Variants in C2orf80 observed in about 807,000 individuals in gnomAD.
The protein encoded by C2orf80 is chromosome 2 open reading frame 80.
C2orf80 carries 28 observed loss-of-function variants against 30.2 expected under a neutral mutation model. The ratio of observed to expected loss-of-function variants is 0.93; its 90% CI spans 0.69 to 1.27. The LOEUF (loss-of-function observed/expected upper bound fraction) is 1.27, where lower values mean the gene tolerates loss of function less well. Ranked by LOEUF, C2orf80 falls within the 50% of genes most tolerant of loss-of-function variation. C2orf80 has a pLI of 0.00. For synonymous variants in C2orf80, 80 were observed against 76.4 expected, an observed-to-expected ratio of 1.05 and a Z score of -0.24; for missense variants, 220 against 231.0, an observed-to-expected ratio of 0.95 and a Z score of 0.31.
intron 7 of C2orf80, among the ~76,000 whole-genome samples, chr2:208,171,733 G>GACACTCCAT (rs149518601): frequency 4.0e-5 from 6 of 151,646 alleles, no homozygotes; most frequent in Non-Finnish European, 7.4e-5. Flanking sequence ...ACCAGTGTGA[G>GACACTCCAT]CCAGCCCACT....
chr2:208,173,098 A>G lies in C2orf80; in HGVS notation c.367-1023T>C, dbSNP rs563628742. On this transcript the variant is annotated intron_variant, in intron 6 of 8. Transcript: ENST00000341287. Reference sequence around the variant, plus strand: ...TGCGTCACTGCACTCCAGCCTGGGCAACAAGAGTTAAAACCTCATCTCAAA... The same window carrying G: ...TGCGTCACTGCACTCCAGCCTGGGCGACAAGAGTTAAAACCTCATCTCAAA... 9.1e-5 allele frequency among the ~76,000 whole-genome samples: 11 copies of G among 120,622 alleles called. 1 individual carries two copies. In the South Asian group the frequency reaches 3.1e-3, roughly 34 times the overall value. 79.1% of individuals were successfully genotyped at this position (120,622 alleles called of 152,430 possible). A position where few individuals can be genotyped will look rare whatever the true frequency, so the allele number is the denominator to read the frequency against.
intron 6 of C2orf80, among the ~76,000 whole-genome samples, chr2:208,179,919 T>C (rs566516758): frequency 3.3e-5 from 5 of 152,036 alleles, no homozygotes; most frequent in African/African-American, 1.2e-4. Context: ...GAGGCCAGGA[T>C]TTCGAGGATT....
At position 208,189,948 on chromosome 2, in the gene C2orf80, C is replaced by T. The variant is rs545601261; in HGVS notation, c.-76+5G>A. On this transcript the variant is annotated splice_donor_5th_base_variant and intron_variant, in intron 1 of 8. Transcript: ENST00000341287. ...TTAACAAATTCCCCTTTGAGAATCGCTCACCAACCGGAGACCGGTTCCAGT... is the reference window on the plus strand; with the variant it reads ...TTAACAAATTCCCCTTTGAGAATCGTTCACCAACCGGAGACCGGTTCCAGT... The T allele has an allele frequency of 2.8e-6, 2 of 703,002 alleles. No homozygotes were observed. Among genetic ancestry groups the T allele is most frequent in the Admixed American group, 4.0e-5 (2 of 50,014 alleles). 43.5% of individuals were successfully genotyped at this position (703,002 alleles called of 1,614,324 possible).
chr2:208,169,011 C>T (rs889692998), intron 8 of C2orf80, among the ~76,000 whole-genome samples: 2 of 151,138 alleles, frequency 1.3e-5, no homozygotes, highest in Non-Finnish European at 2.9e-5. Flanking sequence ...CTGCTGCCTG[C>T]GAAGTACTTT....
rs1652045070 is a variant in C2orf80, at chr2:208,180,753, T to C, written c.358A>G (p.Thr120Ala). 1 of 1,613,478 alleles carries C rather than the reference T, an allele frequency of 6.2e-7. No homozygotes were observed. Among genetic ancestry groups the C allele is most frequent in the African/African-American group, 1.3e-5 (1 of 75,044 alleles). Residue 120 changes from threonine (T) to alanine (A), a missense_variant, in exon 6 of 9, where the codon ACC becomes GCC. Transcript: ENST00000341287. ...TCCCAGGTCACCCTTACCTTGATGG[T>C]ACCAGAATCGGCAGAAGAATCAGCC... Reference protein sequence around the residue: ...YGADSSADSGTIKVPRVSSLC... With the variant: ...YGADSSADSGAIKVPRVSSLC...
chr2:208,176,970 CAT>C (rs1491289017), intron 6 of C2orf80, among the ~76,000 whole-genome samples: 6 of 91,954 alleles, frequency 6.5e-5, no homozygotes, highest in Non-Finnish European at 1.2e-4. Context: ...CATATGTATA[CAT>C]ATATACAGAA....
rs186377064 is a variant in C2orf80, at chr2:208,179,500, G to A, written c.366+1245C>T. ...GAGCAGAAGACCTGGGCGTGAGGACGTTGGTGCCCCCCTTCCCCCCTCCCA... is the reference window on the plus strand; with the variant it reads ...GAGCAGAAGACCTGGGCGTGAGGACATTGGTGCCCCCCTTCCCCCCTCCCA... On this transcript the variant is annotated intron_variant, in intron 6 of 8. Transcript: ENST00000341287. 1.6e-3 allele frequency among the ~76,000 whole-genome samples: 247 copies of A among 152,310 alleles called. 1 individual carries two copies. The South Asian group carries it at 0.019, about 11-fold the overall frequency.
chr2:208,166,812 A>G (rs1239802206), intron 8 of C2orf80, among the ~76,000 whole-genome samples: 1 of 151,948 alleles, frequency 6.6e-6, no homozygotes, highest in Non-Finnish European at 1.5e-5. Context: ...ACCACGCCCA[A>G]CTAATTTTTT....
chr2:208,186,357 A>G (rs1231399393), intron 2 of C2orf80, among the ~76,000 whole-genome samples: 1 of 152,204 alleles, frequency 6.6e-6, no homozygotes, highest in Non-Finnish European at 1.5e-5. Context: ...ATAGAACATA[A>G]TCTTTCTTTT....
rs1559334543 is a variant in C2orf80 at position 208,165,719 on chromosome 2, T to C, written c.*88A>G. On this transcript the variant is annotated 3_prime_UTR_variant, in exon 9 of 9. Coordinates refer to ENST00000341287, the MANE Select transcript of C2orf80 (RefSeq NM_001099334.3). ...CCAAAAACAGTTGTAAAGAAAAATG[T>C]ACTGGCAAGAGCTGTGGTTTTAAGA... 3 of 1,584,908 alleles carry C rather than the reference T, an allele frequency of 1.9e-6. No individual in the cohort carries two copies. In the South Asian group the frequency reaches 3.5e-5, roughly 18 times the overall value.
Position 208,171,627 on chromosome 2 carries a change from T to G in C2orf80, c.454+361A>C, listed in dbSNP as rs535551525. Reference sequence around the variant, plus strand: ...TGAGCCACTGTGCCCGGCTTATTTTTGTAGGGATGAAGTTTCACTAAGTTT... The same window carrying G: ...TGAGCCACTGTGCCCGGCTTATTTTGGTAGGGATGAAGTTTCACTAAGTTT... On this transcript the variant is annotated intron_variant, in intron 7 of 8. Transcript: ENST00000341287. Among the ~76,000 whole-genome samples, 12 of 152,216 alleles carry G rather than the reference T, an allele frequency of 7.9e-5. No homozygotes were observed. In the East Asian group the frequency reaches 2.1e-3, roughly 27 times the overall value.
At chr2:208,181,383 G>A (rs913820735) in intron 4 of C2orf80, 78 bp from the exon 5 acceptor site, 13 of 914,732 alleles carry the variant, frequency 1.4e-5, no homozygotes, top group South Asian at 8.4e-5. Context: ...GATGATAATC[G>A]ATAAGTAATC....
intron 4 of C2orf80, among the ~76,000 whole-genome samples, chr2:208,182,268 C>T (rs1015081044): frequency 6.6e-6 from 1 of 152,214 alleles, no homozygotes; most frequent in Non-Finnish European, 1.5e-5. Context: ...CTTCAAACAG[C>T]TCAGCTCAGA....
At chr2:208,185,329 T>C (rs1696686321) in intron 2 of C2orf80, among the ~76,000 whole-genome samples, 1 of 152,232 alleles carries the variant, frequency 6.6e-6, no homozygotes, top group Non-Finnish European at 1.5e-5. Context: ...GAAATGGTTT[T>C]ACAAGACCAA....
At chr2:208,167,436 C>A (rs1695931600) in intron 8 of C2orf80, among the ~76,000 whole-genome samples, 1 of 151,578 alleles carries the variant, frequency 6.6e-6, no homozygotes, top group East Asian at 2.0e-4. Flanking sequence ...ACAGGAGAAT[C>A]GCTTAAACCC....
At chr2:208,187,705 T>C (rs1408207433) in intron 1 of C2orf80, among the ~76,000 whole-genome samples, 1 of 151,974 alleles carries the variant, frequency 6.6e-6, no homozygotes, top group Non-Finnish European at 1.5e-5. Flanking sequence ...ATTTGTGATG[T>C]TTTATTTATT....
At chr2:208,187,313 G>A (rs1363821947) in intron 1 of C2orf80, among the ~76,000 whole-genome samples, 1 of 152,170 alleles carries the variant, frequency 6.6e-6, no homozygotes, top group African/African-American at 2.4e-5. Context: ...AATCTAGCAA[G>A]TAAAACCAAA....
chr2:208,187,134 C>A (rs1320131233), intron 1 of C2orf80, 73 bp from the exon 2 acceptor site: 3 of 711,536 alleles, frequency 4.2e-6, no homozygotes, highest in East Asian at 2.7e-5. Flanking sequence ...GAGTCCTAGG[C>A]TCTGGAAGGG....
chr2:208,171,214 C>T lies in C2orf80; in HGVS notation c.455-151G>A, dbSNP rs143422115. 278 of 610,752 alleles carry T rather than the reference C, an allele frequency of 4.6e-4. 1 individual carries two copies. The highest frequency in any genetic ancestry group is 4.2e-3 in the African/African-American group (227 of 53,850). The allele number at this position is 610,752 out of a possible 1,614,324, so 37.8% of individuals were successfully genotyped here. A position where few individuals can be genotyped will look rare whatever the true frequency, so the allele number is the denominator to read the frequency against. ...AGGCTGGAGTGCAGTGGTTCCATCA[C>T]GGCTCATTGCAGCCTCCACTTCCTG... On this transcript the variant is annotated intron_variant, in intron 7 of 8. Transcript: ENST00000341287.
Sources: allele counts gnomAD v4.1 joint callset (sites outside exome capture counted in the v4.1 genomes callset), GRCh38; gene constraint gnomAD v4.1.1; transcripts MANE v1.5; gene names NCBI Gene and HGNC (gene_info 2026-07-23, HGNC 2026-07-21).